Variants in GTF3C1 observed in about 807,000 individuals in gnomAD.
The protein encoded by GTF3C1 is general transcription factor 3C polypeptide 1.
GTF3C1 carries 57 observed loss-of-function variants against 226.7 expected under a neutral mutation model. The observed-to-expected ratio is 0.25, with a 90% CI of 0.20 to 0.31. The LOEUF (loss-of-function observed/expected upper bound fraction) is 0.31, where lower values mean the gene tolerates loss of function less well. Among genes scored for constraint, GTF3C1 ranks in the 10% least tolerant of loss-of-function variants. The pLI is 1.00. For missense variants in GTF3C1, 2,217 were observed against 2,776.1 expected, an observed-to-expected ratio of 0.80 and a Z score of 4.53; for synonymous variants, 1,090 against 1,084.8, an observed-to-expected ratio of 1.00 and a Z score of -0.09.
At chr16:27,486,332 T>C (rs1671210839) in intron 23 of GTF3C1, among the ~76,000 whole-genome samples, 178 bp from the exon 24 acceptor site, 1 of 152,196 alleles carries the variant, frequency 6.6e-6, no homozygotes, top group African/African-American at 2.4e-5. Flanking sequence ...CCCCTTCTGA[T>C]AGATTTTATT....
chr16:27,515,727 C>T lies in GTF3C1; in HGVS notation c.974-3826G>A, dbSNP rs549997807. 3.3e-5 allele frequency among the ~76,000 whole-genome samples: 5 copies of T among 152,314 alleles called. No individual in the cohort carries two copies. The East Asian group carries it at 5.8e-4, about 18-fold the overall frequency. ...TTACCAAGTATGACTCTTTGTTTTC[C>T]GATCTGCAAAATGGGATGACAGTGT... On this transcript the variant is annotated intron_variant, in intron 6 of 36. Coordinates refer to ENST00000356183, the MANE Select transcript of GTF3C1 (RefSeq NM_001520.4).
intron 8 of GTF3C1, among the ~76,000 whole-genome samples, chr16:27,508,008 C>G (rs965968517): frequency 6.6e-6 from 1 of 152,246 alleles, no homozygotes; most frequent in African/African-American, 2.4e-5. Context: ...ACATCACCTT[C>G]TGACTACTTT....
intron 25 of GTF3C1, among the ~76,000 whole-genome samples, chr16:27,483,718 C>T (rs1409133466): frequency 6.6e-6 from 1 of 152,216 alleles, no homozygotes; most frequent in Non-Finnish European, 1.5e-5. Flanking sequence ...TGAGGTCACA[C>T]ACACAAGGGC....
Position 27,471,785 on chromosome 16 carries a change from C to T in GTF3C1, c.4489G>A (p.Val1497Met), listed in dbSNP as rs751187181. ...GPKKNRALPFVPMSYQLSQTY... is the reference protein window; with the variant it reads ...GPKKNRALPFMPMSYQLSQTY... ...TGGGATAGCTGGTAGGACATTGGCA[C>T]GAAGGGGAGGGCCCGGTTCTTCTTG... Residue 1497 changes from valine to methionine, a missense_variant, in exon 30 of 37, where the codon GTG (valine) becomes ATG (methionine). Val to Met is a conservative substitution (Grantham distance 21, BLOSUM62 1). Transcript: ENST00000356183. The surrounding 1 kb of genome is among the most constrained non-coding windows in gnomAD (Gnocchi z 5.0). 3 of 1,614,102 alleles carry T rather than the reference C, an allele frequency of 1.9e-6. No individual in the cohort carries two copies. The highest frequency in any genetic ancestry group is 3.3e-5 in the Admixed American group (2 of 60,020).
At chr16:27,501,845 A>G (rs944571454) in intron 11 of GTF3C1, among the ~76,000 whole-genome samples, 2 of 152,192 alleles carry the variant, frequency 1.3e-5, no homozygotes, top group African/African-American at 4.8e-5. Context: ...GCTCATGCCT[A>G]TAATACCAGC....
chr16:27,520,726 T>G (rs576076350), intron 6 of GTF3C1, among the ~76,000 whole-genome samples: 7 of 152,230 alleles, frequency 4.6e-5, no homozygotes, highest in South Asian at 2.1e-4. Context: ...CAATGCTTTT[T>G]TTGTTGTTGT....
intron 6 of GTF3C1, among the ~76,000 whole-genome samples, chr16:27,524,734 T>C (rs2088803554): frequency 1.3e-5 from 2 of 152,270 alleles, no homozygotes; most frequent in Admixed American, 1.3e-4. Flanking sequence ...AGTTTCTCTT[T>C]ACTTTAAATA....
chr16:27,518,264 G>A (rs2141422181), intron 6 of GTF3C1, among the ~76,000 whole-genome samples: 1 of 152,232 alleles, frequency 6.6e-6, no homozygotes, highest in Non-Finnish European at 1.5e-5. Flanking sequence ...TGACGGAGGT[G>A]GGGTTGCTGC....
chr16:27,470,348 T>C lies in GTF3C1; in HGVS notation c.4574A>G (p.Gln1525Arg). 6.2e-7 allele frequency: 1 copy of C among 1,613,976 alleles called. No individual in the cohort carries two copies. The highest frequency in any genetic ancestry group is 1.1e-5 in the South Asian group (1 of 91,072). Residue 1525 changes from glutamine (Q) to arginine (R), a missense_variant, in exon 31 of 37, where the codon CAG becomes CGG. Gln to Arg is a conservative substitution (Grantham distance 43). Around this residue, in one of 12 missense-constraint regions of GTF3C1, gnomAD observed 546 missense variants for 663.0 expected, o/e 0.82. Transcript: ENST00000356183. This position sits in a 1 kb window ranked among gnomAD's most constrained non-coding sequence, Gnocchi z 4.9. ...GGCAGCCCGCATTCTGTCCAAAAAC[T>C]GGAATGACTCCGTGCAGATGGTGCT... ...FPSTICTESF[Q>R]FLDRMRAAGK...
In GTF3C1 at chr16:27,461,736, G is replaced by T. The variant is rs769723968; in HGVS notation, c.6118-174C>A. On this transcript the variant is annotated intron_variant, in intron 36 of 36. Transcript: ENST00000356183. The surrounding 1 kb of genome is among the most constrained non-coding windows in gnomAD (Gnocchi z 5.3). ...ATGTACCAGGAGGGTTCAGGCAAAG[G>T]CCCTGGTGGGAGAGGCAGCTGCCTG... The T allele has an allele frequency of 6.6e-6, 4 of 605,888 alleles. No individual in the cohort carries two copies. Among genetic ancestry groups the T allele is most frequent in the Non-Finnish European group, 1.2e-5 (4 of 340,242 alleles). The allele number at this position is 605,888 out of a possible 1,614,324, so 37.5% of individuals were successfully genotyped here.
chr16:27,470,425 C>A lies in GTF3C1; in HGVS notation c.4527-30G>T. 1 of 1,589,440 alleles carries A rather than the reference C, an allele frequency of 6.3e-7. No individual in the cohort carries two copies. The highest frequency in any genetic ancestry group is 1.1e-5 in the South Asian group (1 of 88,966). On this transcript the variant is annotated intron_variant, in intron 30 of 36. Coordinates refer to ENST00000356183, the MANE Select transcript of GTF3C1 (RefSeq NM_001520.4). The surrounding 1 kb of genome is among the most constrained non-coding windows in gnomAD (Gnocchi z 4.9). ...AGACAAAAAGAAAGGAAGGGCCTGA[C>A]TGAGGGCCAGCTGTGGGAAGCCTTC... is the stretch of plus-strand genomic sequence containing the variant.
chr16:27,514,649 C>T (rs950107520), intron 6 of GTF3C1, among the ~76,000 whole-genome samples: 2 of 152,116 alleles, frequency 1.3e-5, no homozygotes, highest in Admixed American at 6.5e-5. Context: ...TTACTATATC[C>T]TGGATGCTGT....
At chr16:27,478,399 G>T in intron 28 of GTF3C1, 70 bp downstream of exon 28, 1 of 1,084,874 alleles carries the variant, frequency 9.2e-7, no homozygotes, top group African/African-American at 1.5e-5. Context: ...GATTACCCCA[G>T]TGCAATAGGT....
At chr16:27,505,503 C>T (rs537799489) in intron 10 of GTF3C1, among the ~76,000 whole-genome samples, 4 of 152,272 alleles carry the variant, frequency 2.6e-5, no homozygotes, top group Middle Eastern at 3.4e-3. Context: ...CCAGATATTG[C>T]GAAATGTCTC....
chr16:27,528,169 G>A (rs376096905), intron 6 of GTF3C1, among the ~76,000 whole-genome samples: 14 of 152,332 alleles, frequency 9.2e-5, no homozygotes, highest in African/African-American at 3.4e-4. Context: ...CAGCTACTCA[G>A]GAGGTTGAGG....
chr16:27,480,852 G>A (rs2088033263), intron 27 of GTF3C1: 1 of 510,172 alleles, frequency 2.0e-6, no homozygotes, highest in Non-Finnish European at 3.5e-6. Flanking sequence ...ACCAAACAAG[G>A]AAGCCTGAAG....
At chr16:27,465,609 C>A in intron 32 of GTF3C1, 69 bp from the exon 33 acceptor site, 3 of 1,255,056 alleles carry the variant, frequency 2.4e-6, no homozygotes, top group Non-Finnish European at 3.3e-6. Flanking sequence ...AATGCACAGG[C>A]CACACCCAGG....
chr16:27,514,217 G>A (rs904530368), intron 6 of GTF3C1, among the ~76,000 whole-genome samples: 2 of 152,226 alleles, frequency 1.3e-5, no homozygotes, highest in African/African-American at 2.4e-5. Flanking sequence ...CTAAGGCCCC[G>A]GCGCAAGCCT....
At chr16:27,513,180 T>C (rs551203731) in intron 6 of GTF3C1, among the ~76,000 whole-genome samples, 2 of 152,324 alleles carry the variant, frequency 1.3e-5, no homozygotes, top group South Asian at 4.2e-4. Context: ...AGGCTGGGCA[T>C]GGTGGCTCAC....
Sources: allele counts gnomAD v4.1 joint callset (sites outside exome capture counted in the v4.1 genomes callset), GRCh38; gene constraint gnomAD v4.1.1; regional missense constraint gnomAD v4.1.1; non-coding constraint Gnocchi (gnomAD v3.1); transcripts MANE v1.5; gene names NCBI Gene and HGNC (gene_info 2026-07-23, HGNC 2026-07-21).